The following PIK3R3 variants were observed in gnomAD, a reference collection of about 807,000 sequenced individuals.
The protein encoded by PIK3R3 is phosphatidylinositol 3-kinase regulatory subunit gamma.
In PIK3R3, 64 loss-of-function variants were observed where a neutral mutation model predicts 62.9. The observed-to-expected ratio is 1.02, with a 90% CI of 0.83 to 1.25. PIK3R3 has a LOEUF of 1.25. Among genes scored for constraint, PIK3R3 ranks in the 50% most tolerant of loss-of-function variants. The pLI is 0.00. For synonymous variants in PIK3R3, 165 were observed against 189.0 expected, an observed-to-expected ratio of 0.87 and a Z score of 1.04; for missense variants, 614 against 561.6, an observed-to-expected ratio of 1.09 and a Z score of -0.94.
At chr1:46,106,590 G>A (rs1485224353) in intron 1 of PIK3R3, among the ~76,000 whole-genome samples, 2 of 152,074 alleles carry the variant, frequency 1.3e-5, no homozygotes, top group Non-Finnish European at 2.9e-5. Context: ...ATAATGGATG[G>A]ATAGATACAT....
chr1:46,172,064 C>T, the PIK3R3 span, among the ~76,000 whole-genome samples: 2 of 152,190 alleles, frequency 1.3e-5, no homozygotes, highest in African/African-American at 4.8e-5. Flanking sequence ...GGAAGCCCTC[C>T]TCCTGGCATG....
intron 6 of PIK3R3, among the ~76,000 whole-genome samples, chr1:46,058,956 G>A (rs563836395): frequency 4.1e-4 from 62 of 152,268 alleles, no homozygotes; most frequent in Non-Finnish European, 7.2e-4. Context: ...GTCCCCACCC[G>A]AATCTCCTCT....
rs1427471482 is a variant in PIK3R3, at chr1:46,050,518, T to C, written c.942-3893A>G. Among the ~76,000 whole-genome samples the C allele has an allele frequency of 2.6e-5, 4 of 152,016 alleles. No homozygotes were observed. In the East Asian group the frequency reaches 5.8e-4, roughly 22 times the overall value. The stretch of plus-strand genomic sequence containing the variant: ...AGGCAGAGGTTGCAGTGAGCCAAGA[T>C]TGCACCATTGCACTCCAGCTTGGGC... On this transcript the variant is annotated intron_variant, in intron 7 of 9. Coordinates refer to ENST00000262741, the MANE Select transcript of PIK3R3 (RefSeq NM_003629.4).
the PIK3R3 span, among the ~76,000 whole-genome samples, chr1:46,141,619 T>G: frequency 6.6e-6 from 1 of 152,208 alleles, no homozygotes; most frequent in East Asian, 1.9e-4. Context: ...AATTTTAGAA[T>G]AAAGGATCAT....
At chr1:46,092,340 G>A (rs768504554) in intron 1 of PIK3R3, among the ~76,000 whole-genome samples, 15 of 152,004 alleles carry the variant, frequency 9.9e-5, no homozygotes, top group Non-Finnish European at 1.8e-4. Context: ...CCTCACAAAC[G>A]TACTCCTTGA....
chr1:46,173,937 A>T, the PIK3R3 span, among the ~76,000 whole-genome samples: 1 of 152,028 alleles, frequency 6.6e-6, no homozygotes, highest in Non-Finnish European at 1.5e-5. Context: ...GGGGCAGGGA[A>T]GTCTGGTGAG....
chr1:46,060,095 G>A lies in PIK3R3; in HGVS notation c.764+1834C>T, dbSNP rs144562419. 3.0e-3 allele frequency among the ~76,000 whole-genome samples: 452 copies of A among 151,954 alleles called. 3 individuals are homozygous for A. The highest frequency in any genetic ancestry group is 0.021 in the East Asian group (107 of 5,134). On this transcript the variant is annotated intron_variant, in intron 6 of 9. Coordinates refer to ENST00000262741, the MANE Select transcript of PIK3R3 (RefSeq NM_003629.4). ...AGCGTGGGCGACAGAGCGAGACTCC[G>A]TCTCAAAAATAAATAAATAAAACAA...
rs1362250266 is a variant in PIK3R3 at position 46,043,817 on chromosome 1, G to C, written c.1242C>G (p.Gly414=). ...CVIYSTARGY[G]FAEPYNLYSS... is the part of the protein sequence containing the mutation. ...TGTACAGGTTGTAGGGCTCTGCAAA[G>C]CCATAGCCCCGAGCAGTGCTGTAGA... is the stretch of plus-strand genomic sequence containing the variant. The change falls in exon 10 of 10, where the codon GGC becomes GGG. Residue 414 remains glycine (G), a synonymous_variant. Transcript: ENST00000262741. 10 of 1,613,972 alleles carry C rather than the reference G, an allele frequency of 6.2e-6. No homozygotes were observed. Among genetic ancestry groups the C allele is most frequent in the African/African-American group, 1.3e-5 (1 of 74,934 alleles).
intron 7 of PIK3R3, among the ~76,000 whole-genome samples, chr1:46,054,287 G>A (rs193192963): frequency 1.3e-3 from 200 of 151,602 alleles, no homozygotes; most frequent in African/African-American, 4.7e-3. Context: ...CCAGCTACTC[G>A]GAAGGCTGAT....
At chr1:46,173,534 C>A in the PIK3R3 span, among the ~76,000 whole-genome samples, 13 of 152,186 alleles carry the variant, frequency 8.5e-5, 1 homozygote, top group Non-Finnish European at 1.9e-4. Context: ...GCCCTTCCAG[C>A]CTGAGAGCCT....
chr1:46,148,352 C>T, the PIK3R3 span, among the ~76,000 whole-genome samples: 15 of 152,224 alleles, frequency 9.9e-5, no homozygotes, highest in African/African-American at 3.6e-4. Flanking sequence ...GAACCAGACT[C>T]GTTCCCAGTT....
intron 1 of PIK3R3, among the ~76,000 whole-genome samples, chr1:46,108,622 A>AG (rs1402380018): frequency 6.6e-6 from 1 of 151,898 alleles, no homozygotes; most frequent in Non-Finnish European, 1.5e-5. Context: ...GCCCTTTACC[A>AG]GAAAAAATAA....
the PIK3R3 span, among the ~76,000 whole-genome samples, chr1:46,171,865 G>C: frequency 2.0e-5 from 3 of 152,046 alleles, no homozygotes; most frequent in African/African-American, 7.2e-5. Flanking sequence ...TTCTCTTCAC[G>C]GTCCAAAGGG....
intron 1 of PIK3R3, among the ~76,000 whole-genome samples, chr1:46,123,313 G>A (rs1246608817): frequency 2.0e-5 from 3 of 152,030 alleles, no homozygotes; most frequent in African/African-American, 7.2e-5. Context: ...GAGGTGAGAC[G>A]GGCATATTCT....
intron 7 of PIK3R3, among the ~76,000 whole-genome samples, chr1:46,047,417 G>A (rs1483797578): frequency 1.4e-5 from 2 of 141,174 alleles, no homozygotes; most frequent in African/African-American, 5.4e-5. Context: ...CAGTGTGGGC[G>A]ACAGAACGAG....
rs182273586 is a variant in PIK3R3 at position 46,121,851 on chromosome 1, T to C, written c.106+9996A>G. On this transcript the variant is annotated intron_variant, in intron 1 of 9. Coordinates refer to ENST00000262741, the MANE Select transcript of PIK3R3 (RefSeq NM_003629.4). ...GTGTTGGCTCATCAATACCAACTCA[T>C]AGGGCAGTTTTCATACTGATATGCG... Among the ~76,000 whole-genome samples the C allele has an allele frequency of 3.5e-3, 529 of 152,174 alleles. 4 individuals carry two copies. The highest frequency in any genetic ancestry group is 0.011 in the African/African-American group (443 of 41,520).
At chr1:46,129,606 T>A (rs1196862866) in intron 1 of PIK3R3, among the ~76,000 whole-genome samples, 1 of 152,066 alleles carries the variant, frequency 6.6e-6, no homozygotes, top group Non-Finnish European at 1.5e-5. Flanking sequence ...AAGGAAATAA[T>A]AAGAGCTTGA....
At chr1:46,113,252 G>T (rs1029824397) in intron 1 of PIK3R3, among the ~76,000 whole-genome samples, 16 of 151,034 alleles carry the variant, frequency 1.1e-4, no homozygotes, top group African/African-American at 3.9e-4. Flanking sequence ...GATCTGGACC[G>T]CACCTAGTGG....
At chr1:46,120,434 G>A (rs1429462550) in intron 1 of PIK3R3, among the ~76,000 whole-genome samples, 1 of 152,124 alleles carries the variant, frequency 6.6e-6, no homozygotes, top group Non-Finnish European at 1.5e-5. Flanking sequence ...TTAGCCAGGC[G>A]TGGTGGTGGG....
Sources: gnomAD v4.1 joint callset for allele counts (sites outside exome capture counted in the v4.1 genomes callset) on GRCh38, gnomAD v4.1.1 for gene constraint, MANE v1.5 for transcripts, NCBI Gene and HGNC (gene_info 2026-07-23, HGNC 2026-07-21) for gene names.